Variants in LILRA5 observed in about 807,000 individuals in gnomAD.
LILRA5 encodes the protein leukocyte immunoglobulin like receptor A5.
Under a neutral mutation model 36.3 loss-of-function variants are expected in LILRA5, and 31 were observed. The observed-to-expected ratio is 0.85, with a 90% CI of 0.64 to 1.15. LILRA5 has a LOEUF of 1.15. LILRA5 is among the 50% of genes most tolerant of loss of function. The pLI is 0.00. For missense variants in LILRA5, 348 were observed against 377.4 expected (o/e 0.92, Z 0.64); for synonymous variants, 144 against 144.8 (o/e 0.99, Z 0.04).
In LILRA5 at chr19:54,307,142, G is replaced by C. The variant is rs563570450; in HGVS notation, c.*271C>G. The C allele has an allele frequency of 3.6e-4, 96 of 263,638 alleles. 1 individual carries two copies. Among genetic ancestry groups the C allele is most frequent in the Admixed American group, 1.3e-3 (26 of 19,712 alleles). 16.3% of individuals were successfully genotyped at this position (263,638 alleles called of 1,614,324 possible). On this transcript the variant is annotated 3_prime_UTR_variant, in exon 7 of 7. Coordinates refer to ENST00000432233, the MANE Select transcript of LILRA5 (RefSeq NM_021250.4). ...TTCCTCCCTCTAGAAATTGCCAGAG[G>C]CTGAGGCAGGAGAATCACTTGAACC...
chr19:54,308,355 A>G (rs1193258225), intron 5 of LILRA5: 942 of 2,972 alleles, frequency 0.32, 114 homozygotes, highest in African/African-American at 0.42. Flanking sequence ...GTATATATAA[A>G]TATATATATA....
Position 54,312,541 on chromosome 19 carries a change from G to A in LILRA5, c.84C>T (p.Cys28=). Residue 28 remains cysteine (C), a synonymous_variant, in exon 2 of 7, where the codon TGC becomes TGT. Transcript: ENST00000432233. ...AVSPALMVLL[C]LGLSLGPRTH... Reference sequence around the variant, plus strand: ...CCCTGAGGCTTCCAATCTCACCGAGGCAGAGCAGAACCATGAGGGCAGGGC... The same window carrying A: ...CCCTGAGGCTTCCAATCTCACCGAGACAGAGCAGAACCATGAGGGCAGGGC... The A allele has an allele frequency of 1.2e-6, 2 of 1,614,204 alleles. No homozygotes were observed. Among genetic ancestry groups the A allele is most frequent in the Middle Eastern group, 1.6e-4 (1 of 6,062 alleles).
chr19:54,312,629 G>C lies in LILRA5; in HGVS notation c.4-8C>G. ...TGGATGAGACCATGGTGCCTGGCAG[G>C]ACAGAGAGACACACAGGGTGTGGCA... is the stretch of plus-strand genomic sequence containing the variant. On this transcript the variant is annotated splice_region_variant and splice_polypyrimidine_tract_variant and intron_variant, in intron 1 of 6. Coordinates refer to ENST00000432233, the MANE Select transcript of LILRA5 (RefSeq NM_021250.4). 6.2e-7 allele frequency: 1 copy of C among 1,613,808 alleles called. No homozygotes were observed. The highest frequency in any genetic ancestry group is 8.5e-7 in the Non-Finnish European group (1 of 1,179,680).
intron 5 of LILRA5, chr19:54,309,830 G>C (rs1256667672): frequency 6.5e-6 from 1 of 153,104 alleles, no homozygotes; most frequent in Admixed American, 6.5e-5. Context: ...AGTATGCCCA[G>C]AAAATGCAGA....
In LILRA5 at chr19:54,307,706, G is replaced by A; in HGVS notation, c.755C>T (p.Ser252Phe). 1 of 1,614,152 alleles carries A rather than the reference G, an allele frequency of 6.2e-7. No individual in the cohort carries two copies. The change falls in exon 6 of 7, where the codon TCT (serine) becomes TTT (phenylalanine). Residue 252 changes from serine (S) to phenylalanine (F), a missense_variant. By Grantham distance (155) the Ser-to-Phe change is radical (BLOSUM62 -2). Transcript: ENST00000432233. The stretch of plus-strand genomic sequence containing the variant: ...AGCATCTCCTCACTCACCAGTCCCA[G>A]AGTCAGACTTGTTTTGTGACGGACT... ...NLSPSQNKSD[S>F]GTASHLQDYA...
intron 5 of LILRA5, chr19:54,308,046 G>C (rs2080916001): frequency 4.7e-6 from 2 of 422,360 alleles, no homozygotes; most frequent in Admixed American, 7.0e-5. Flanking sequence ...AAGTCACTGA[G>C]CCCTTTGTGC....
chr19:54,312,732 G>T, intron 1 of LILRA5, 111 bp from the exon 2 acceptor site: 1 of 1,105,728 alleles, frequency 9.0e-7, no homozygotes, highest in Non-Finnish European at 1.3e-6. Flanking sequence ...CTCCCCAGGA[G>T]CCTGGCTCTC....
intron 5 of LILRA5, chr19:54,309,637 A>G (rs1041390001): frequency 6.6e-6 from 1 of 152,232 alleles, no homozygotes; most frequent in African/African-American, 2.4e-5. Flanking sequence ...TATATTAATA[A>G]TAGAAATACT....
At chr19:54,307,942 T>G (rs1339870549) in intron 5 of LILRA5, 194 bp from the exon 6 acceptor site, 7 of 595,596 alleles carry the variant, frequency 1.2e-5, no homozygotes, top group Admixed American at 1.2e-4. Context: ...AGCTTTCCTT[T>G]GTTCTTTGAA....
At chr19:54,310,750 T>C in intron 5 of LILRA5, 1 of 312,438 alleles carries the variant, frequency 3.2e-6, no homozygotes, top group Non-Finnish European at 6.5e-6. Flanking sequence ...GTCACGTCTG[T>C]CCTCCTTGTA....
Position 54,308,354 on chromosome 19 carries a change from A to AATAT in LILRA5, c.713-610_713-607dup, listed in dbSNP as rs60172604. 3.7e-3 allele frequency: 69 copies of AATAT among 18,450 alleles called. 2 individuals are homozygous for AATAT. The highest frequency in any genetic ancestry group is 1.0e-2 in the East Asian group (5 of 502). 1.1% of individuals were successfully genotyped at this position (18,450 alleles called of 1,614,324 possible). A position where few individuals can be genotyped will look rare whatever the true frequency, so the allele number is the denominator to read the frequency against. ...GTGTGTGTATATATATGTATATATA[A>AATAT]ATATATATATATATATATATATATA... On this transcript the variant is annotated intron_variant, in intron 5 of 6. Transcript: ENST00000432233.
In LILRA5 at chr19:54,312,686, T is replaced by G. The variant is rs2081049273; in HGVS notation, c.4-65A>C. On this transcript the variant is annotated intron_variant, in intron 1 of 6. Transcript: ENST00000432233. The stretch of plus-strand genomic sequence containing the variant: ...AGGCTGGGTCCTTCTTGTCATAGGA[T>G]TTTCTCATTCTCAGCCCACAGAAAG... 2.0e-6 allele frequency: 3 copies of G among 1,491,066 alleles called. No homozygotes were observed. The Admixed American group carries it at 5.4e-5, about 27-fold the overall frequency. The allele number at this position is 1,491,066 out of a possible 1,614,324, so 92.4% of individuals were successfully genotyped here. A position where few individuals can be genotyped will look rare whatever the true frequency, so the allele number is the denominator to read the frequency against.
chr19:54,307,359 T>C lies in LILRA5; in HGVS notation c.*54A>G, dbSNP rs79491345. On this transcript the variant is annotated 3_prime_UTR_variant, in exon 7 of 7. Coordinates refer to ENST00000432233, the MANE Select transcript of LILRA5 (RefSeq NM_021250.4). ...GGTCTTCCCGAACCTCCTAGGACCA[T>C]CAGATTCGCTTCCAAGGCTCCAGCA... is the stretch of plus-strand genomic sequence containing the variant. 1.8e-3 allele frequency: 2,642 copies of C among 1,498,410 alleles called. 5 individuals carry two copies. Among genetic ancestry groups the C allele is most frequent in the Admixed American group, 3.5e-3 (179 of 51,734 alleles). 92.8% of individuals were successfully genotyped at this position (1,498,410 alleles called of 1,614,324 possible). A position where few individuals can be genotyped will look rare whatever the true frequency, so the allele number is the denominator to read the frequency against.
At chr19:54,309,782 G>A (rs2080972228) in intron 5 of LILRA5, 1 of 152,668 alleles carries the variant, frequency 6.6e-6, no homozygotes, top group African/African-American at 2.4e-5. Flanking sequence ...TTCAAATATT[G>A]TTTTAAAAGA....
chr19:54,307,600 C>T (rs1348244198), intron 6 of LILRA5, 51 bp from the exon 7 acceptor site: 6 of 1,613,080 alleles, frequency 3.7e-6, no homozygotes, highest in Non-Finnish European at 5.1e-6. Context: ...ATCAGTATCA[C>T]CCAGGACCCC....
intron 2 of LILRA5, 45 bp downstream of exon 2, chr19:54,312,492 C>A: frequency 6.2e-7 from 1 of 1,613,834 alleles, no homozygotes; most frequent in Non-Finnish European, 8.5e-7. Context: ...GGGGTGGGGT[C>A]CCTCCCAGAC....
At position 54,311,449 on chromosome 19, in the gene LILRA5, G is replaced by C. The variant is rs763743033; in HGVS notation, c.677C>G (p.Ser226Ter). 1 of 1,614,056 alleles carries C rather than the reference G, an allele frequency of 6.2e-7. No individual in the cohort carries two copies. Among genetic ancestry groups the C allele is most frequent in the Non-Finnish European group, 8.5e-7 (1 of 1,180,022 alleles). ...AATCTCCAGGAGGTCACTGGGTTCTGACCATACCTGCAGGATATGCCTGCG... is the reference window on the plus strand; with the variant it reads ...AATCTCCAGGAGGTCACTGGGTTCTCACCATACCTGCAGGATATGCCTGCG... ...GSRRHILQVWSEPSDLLEIPV... is the reference protein window; with the variant it reads ...GSRRHILQVW Residue 226 changes from serine (S) to a stop codon, truncating the protein, a stop_gained, in exon 5 of 7, where the codon TCA (serine) becomes TGA (stop). Coordinates refer to ENST00000432233, the MANE Select transcript of LILRA5 (RefSeq NM_021250.4). LOFTEE classifies it high-confidence loss of function.
Position 54,311,959 on chromosome 19 carries a change from G to A in LILRA5, c.314C>T (p.Ser105Phe). 6.2e-7 allele frequency: 1 copy of A among 1,614,194 alleles called. No individual in the cohort carries two copies. The highest frequency in any genetic ancestry group is 8.5e-7 in the Non-Finnish European group (1 of 1,180,020). Residue 105 changes from serine to phenylalanine, a missense_variant, in exon 4 of 7, where the codon TCC becomes TTC. Transcript: ENST00000432233. ...PKNKARFSIP[S>F]MTEHHAGRYR... ...TCTCCCTGCATGGTGCTCTGTCATG[G>A]ATGGGATGGAGAATCTGGCCTTGTT...
chr19:54,311,076 C>T, intron 5 of LILRA5: 1 of 361,698 alleles, frequency 2.8e-6, no homozygotes, highest in South Asian at 2.5e-5. Flanking sequence ...CTGCCTCAGC[C>T]TCCCAAGTAG....
Sources: gnomAD v4.1 joint callset for allele counts on GRCh38, gnomAD v4.1.1 for gene constraint, MANE v1.5 for transcripts, NCBI Gene and HGNC (gene_info 2026-07-23, HGNC 2026-07-21) for gene names.